The following PPP2R5C variants were observed in gnomAD, a reference collection of about 807,000 sequenced individuals.
The protein encoded by PPP2R5C is serine/threonine-protein phosphatase 2A 56 kDa regulatory subunit gamma isoform.
PPP2R5C carries 7 observed loss-of-function variants against 68.9 expected under a neutral mutation model. The observed-to-expected ratio is 0.10, with a 90% CI of 0.06 to 0.19. The LOEUF (loss-of-function observed/expected upper bound fraction) is 0.19, where lower values mean the gene tolerates loss of function less well. Among genes scored for constraint, PPP2R5C ranks in the 10% least tolerant of loss-of-function variants. PPP2R5C has a pLI of 1.00. For missense variants in PPP2R5C, 348 were observed against 641.3 expected (o/e 0.54, Z 4.94); for synonymous variants, 210 against 222.2 (o/e 0.95, Z 0.49).
chr14:101,772,291 C>T (rs1226661765), intron 2 of PPP2R5C, among the ~76,000 whole-genome samples: 5 of 151,798 alleles, frequency 3.3e-5, no homozygotes, highest in Non-Finnish European at 7.4e-5. Context: ...CATGGTGAGA[C>T]GAGAGGGAGG....
In PPP2R5C at chr14:101,821,526, A is replaced by G. The variant is rs114980283; in HGVS notation, c.94+11490A>G. On this transcript the variant is annotated intron_variant, in intron 1 of 13. Transcript: ENST00000334743. ...AATATAAATATGTATTTATTCACAG[A>G]GTATATAGCATTTTTTGTTTCATTT... 4.9e-3 allele frequency among the ~76,000 whole-genome samples: 742 copies of G among 151,224 alleles called. 5 individuals are homozygous for G. Among genetic ancestry groups the G allele is most frequent in the African/African-American group, 0.017 (696 of 41,078 alleles).
chr14:101,918,484 A>C (rs1187043611), intron 13 of PPP2R5C, among the ~76,000 whole-genome samples: 13 of 12,076 alleles, frequency 1.1e-3, no homozygotes, highest in African/African-American at 2.4e-3. Context: ...CTGGCCCCCC[A>C]CCCCTCCCCC....
rs188628697 is a variant in PPP2R5C, at chr14:101,917,809, G to A, written c.1327-22G>A. ...TCAGAGCCTGGGCACCTAACAGAGC[G>A]ACTCCACGCTTTGCATTGCAGTACA... On this transcript the variant is annotated intron_variant, in intron 12 of 13. Transcript: ENST00000334743. This position sits in a 1 kb window ranked among gnomAD's most constrained non-coding sequence, Gnocchi z 4.4. The A allele has an allele frequency of 9.2e-5, 149 of 1,612,716 alleles. No individual in the cohort carries two copies. The East Asian group carries it at 2.5e-3, about 28-fold the overall frequency.
chr14:101,814,469 G>C (rs971002698), intron 1 of PPP2R5C, among the ~76,000 whole-genome samples: 1 of 152,114 alleles, frequency 6.6e-6, no homozygotes, highest in Non-Finnish European at 1.5e-5. Context: ...ACACCTTTTT[G>C]TTCCTTAAAC....
chr14:101,798,287 T>C (rs1336025573), intron 3 of PPP2R5C, among the ~76,000 whole-genome samples: 1 of 152,212 alleles, frequency 6.6e-6, no homozygotes, highest in East Asian at 1.9e-4. Flanking sequence ...GCATATTTAA[T>C]TTGCCTACAA....
chr14:101,877,807 A>G lies in PPP2R5C; in HGVS notation c.295-4354A>G, dbSNP rs1346962860. Among the ~76,000 whole-genome samples the G allele has an allele frequency of 6.6e-6, 1 of 152,202 alleles. No homozygotes were observed. Among genetic ancestry groups the G allele is most frequent in the Non-Finnish European group, 1.5e-5 (1 of 68,042 alleles). ...ATGTAATGTGGTAAGAAAGGTGTGT[A>G]GAAGTTAGGAGTGCAAGTTTTTTTC... On this transcript the variant is annotated intron_variant, in intron 2 of 13. Transcript: ENST00000334743. This position sits in a 1 kb window ranked among gnomAD's most constrained non-coding sequence, Gnocchi z 4.2.
chr14:101,840,412 C>T (rs556746558), intron 1 of PPP2R5C, among the ~76,000 whole-genome samples: 3 of 148,726 alleles, frequency 2.0e-5, no homozygotes, highest in East Asian at 2.0e-4. Flanking sequence ...CTTTTTCGTC[C>T]GCTTGCTGCT....
At chr14:101,922,680 A>G (rs1311061037) in intron 13 of PPP2R5C, among the ~76,000 whole-genome samples, 1 of 150,448 alleles carries the variant, frequency 6.6e-6, no homozygotes, top group African/African-American at 2.4e-5. Flanking sequence ...ATAGCCAGGC[A>G]TGTGGTGCGT....
intron 11 of PPP2R5C, 110 bp from the exon 14 acceptor site, chr14:101,912,291 G>A (rs1370119269): frequency 1.2e-6 from 1 of 805,632 alleles, no homozygotes; most frequent in Non-Finnish European, 1.9e-6. Context: ...GAGCAGGGGG[G>A]CTGCGGGAGG....
intron 5 of PPP2R5C, chr14:101,889,815 G>A: frequency 2.7e-6 from 1 of 366,466 alleles, no homozygotes; most frequent in South Asian, 2.1e-5. Context: ...AATTAAGTAA[G>A]ACATTGGCCT....
chr14:101,824,136 C>T (rs538214891), intron 1 of PPP2R5C: 1 of 1,284,894 alleles, frequency 7.8e-7, no homozygotes, highest in South Asian at 1.2e-5. Flanking sequence ...GTTCAAGCTG[C>T]ATTTTAGACA....
At chr14:101,806,944 A>AG (rs1193396334), upstream of PPP2R5C, among the ~76,000 whole-genome samples, 1 of 152,230 alleles carries the variant, frequency 6.6e-6, no homozygotes, top group African/African-American at 2.4e-5. Flanking sequence ...CCTGGGTGAC[A>AG]GAGCAGGACC....
chr14:101,780,618 C>T (rs2037630765), intron 2 of PPP2R5C, among the ~76,000 whole-genome samples: 1 of 152,116 alleles, frequency 6.6e-6, no homozygotes, highest in South Asian at 2.1e-4. Flanking sequence ...GCGTCCAGAT[C>T]GCTTTGCTTT....
intron 8 of PPP2R5C, 64 bp downstream of exon 10, chr14:101,894,624 C>T (rs2045181271): frequency 1.4e-6 from 2 of 1,456,156 alleles, no homozygotes; most frequent in South Asian, 2.3e-5. Context: ...AATATTACAA[C>T]ATCTGCTTCA....
chr14:101,767,101 A>G (rs991774751), intron 2 of PPP2R5C: 1 of 152,192 alleles, frequency 6.6e-6, no homozygotes, highest in Non-Finnish European at 1.5e-5. Flanking sequence ...ACTCTTACAT[A>G]ATATCTGTTG....
intron 1 of PPP2R5C, among the ~76,000 whole-genome samples, chr14:101,846,008 A>G (rs911398540): frequency 6.6e-6 from 1 of 152,192 alleles, no homozygotes; most frequent in African/African-American, 2.4e-5. Flanking sequence ...ACCCACACGG[A>G]GTGGAAAGAT....
At chr14:101,911,167 A>C (rs1231790959) in intron 11 of PPP2R5C, among the ~76,000 whole-genome samples, 1 of 150,308 alleles carries the variant, frequency 6.7e-6, no homozygotes, top group African/African-American at 2.5e-5. Context: ...AGTCCCAGCT[A>C]CTCGGGCTGA....
At chr14:101,854,807 G>A (rs1205469431) in intron 1 of PPP2R5C, among the ~76,000 whole-genome samples, 2 of 152,158 alleles carry the variant, frequency 1.3e-5, no homozygotes, top group Non-Finnish European at 2.9e-5. Flanking sequence ...TTTTAAACAT[G>A]TATTTATTAA....
intron 2 of PPP2R5C, among the ~76,000 whole-genome samples, chr14:101,871,155 C>A (rs755526730): frequency 2.0e-5 from 3 of 151,946 alleles, no homozygotes; most frequent in African/African-American, 4.8e-5. Context: ...TTGATCAGTT[C>A]GTATCTTTAT....
Sources: allele counts gnomAD v4.1 joint callset (sites outside exome capture counted in the v4.1 genomes callset), GRCh38; gene constraint gnomAD v4.1.1; non-coding constraint Gnocchi (gnomAD v3.1); transcripts MANE v1.5; gene names NCBI Gene and HGNC (gene_info 2026-07-23, HGNC 2026-07-21).